H3-3A: variants seen among roughly 807,000 people sequenced by gnomAD.
H3-3A encodes the protein H3.3 histone A, also known as histone H3.3.
For missense variants in H3-3A, 7 were observed against 184.0 expected (o/e 0.04, Z 5.57); for synonymous variants, 49 against 61.4 (o/e 0.80, Z 0.95).
Position 226,071,804 on chromosome 1 carries a change from A to G in H3-3A, c.*325A>G, listed in dbSNP as rs930970044. On this transcript the variant is annotated 3_prime_UTR_variant, in exon 4 of 4. Transcript: ENST00000366815. ...TTAAATTTTTCTGGACAATGCCAGC[A>G]TTTGGATTTTTTTAAAACAAGTAAA... The G allele has an allele frequency of 3.7e-5, 8 of 214,592 alleles. No individual in the cohort carries two copies. The highest frequency in any genetic ancestry group is 1.4e-3 in the Middle Eastern group (1 of 722). The allele number at this position is 214,592 out of a possible 1,614,324, so 13.3% of individuals were successfully genotyped here.
intron 1 of H3-3A, among the ~76,000 whole-genome samples, chr1:226,063,182 G>C (rs892764655): frequency 6.6e-6 from 1 of 150,710 alleles, no homozygotes; most frequent in South Asian, 2.1e-4. Flanking sequence ...CCAGCCCCCA[G>C]TTTTCGAGCG....
chr1:226,063,059 T>TCCC (rs1332901258), intron 1 of H3-3A, among the ~76,000 whole-genome samples: 1 of 151,168 alleles, frequency 6.6e-6, no homozygotes, highest in Non-Finnish European at 1.5e-5. Context: ...TCCCTCCTCC[T>TCCC]CCCCGCGCCC....
rs1657970215 is a variant in H3-3A at position 226,067,584 on chromosome 1, T to C, written c.282+1775T>C. 2.6e-5 allele frequency among the ~76,000 whole-genome samples: 4 copies of C among 151,890 alleles called. 1 individual carries two copies. In the South Asian group the frequency reaches 8.3e-4, roughly 31 times the overall value. The stretch of plus-strand genomic sequence containing the variant: ...TGTGAAACCCCTTCTCTACTAAAAA[T>C]ACAAAAAATTAGCTTGGCGTGGTGG... On this transcript the variant is annotated intron_variant, in intron 3 of 3. Coordinates refer to ENST00000366815, the MANE Select transcript of H3-3A (RefSeq NM_002107.7).
At position 226,069,931 on chromosome 1, in the gene H3-3A, G is replaced by T. The variant is rs955853778; in HGVS notation, c.283-1420G>T. On this transcript the variant is annotated intron_variant, in intron 3 of 3. Transcript: ENST00000366815. Reference sequence around the variant, plus strand: ...TAAGTATACTAAGAATTTGAGTTATGAGTTAATTCTAAGTGGAAACGCCCC... The same window carrying T: ...TAAGTATACTAAGAATTTGAGTTATTAGTTAATTCTAAGTGGAAACGCCCC... 2.0e-5 allele frequency among the ~76,000 whole-genome samples: 3 copies of T among 152,326 alleles called. No homozygotes were observed. In the South Asian group the frequency reaches 6.2e-4, roughly 32 times the overall value.
chr1:226,070,692 G>C (rs1658085088), intron 3 of H3-3A, among the ~76,000 whole-genome samples: 1 of 152,052 alleles, frequency 6.6e-6, no homozygotes, highest in African/African-American at 2.4e-5. Context: ...AGAATCGCTT[G>C]AATCCGGGAG....
At chr1:226,062,459 G>A (rs1487955779), upstream of H3-3A, among the ~76,000 whole-genome samples, 2 of 150,590 alleles carry the variant, frequency 1.3e-5, no homozygotes, top group South Asian at 2.1e-4. Flanking sequence ...AGTCTCGGCG[G>A]GAGCCGGCGG....
At chr1:226,068,808 G>A (rs1296563488) in intron 3 of H3-3A, among the ~76,000 whole-genome samples, 2 of 152,166 alleles carry the variant, frequency 1.3e-5, no homozygotes, top group Non-Finnish European at 2.9e-5. Flanking sequence ...GTCATTGTGA[G>A]TGCCAAGGAA....
intron 1 of H3-3A, among the ~76,000 whole-genome samples, chr1:226,063,516 C>T (rs1321920084): frequency 6.6e-6 from 1 of 152,110 alleles, no homozygotes; most frequent in African/African-American, 2.4e-5. Context: ...GAATCGGATA[C>T]GTTTTGCGAT....
rs1658120403 is a variant in H3-3A at position 226,071,434 on chromosome 1, A to G, written c.366A>G (p.Pro122=). 1.6e-6 allele frequency: 2 copies of G among 1,236,820 alleles called. No homozygotes were observed. The highest frequency in any genetic ancestry group is 2.4e-6 in the Non-Finnish European group (2 of 848,304). 76.6% of individuals were successfully genotyped at this position (1,236,820 alleles called of 1,614,324 possible). ...AIHAKRVTIM[P]KDIQLARRIR... ...ATGCCAAACGTGTAACAATTATGCCAAAAGACATCCAGCTAGCACGCCGCA... is the reference window on the plus strand; with the variant it reads ...ATGCCAAACGTGTAACAATTATGCCGAAAGACATCCAGCTAGCACGCCGCA... The change falls in exon 4 of 4, where the codon CCA becomes CCG. Residue 122 remains proline, a synonymous_variant. Coordinates refer to ENST00000366815, the MANE Select transcript of H3-3A (RefSeq NM_002107.7).
chr1:226,065,019 C>G (rs1657877934), intron 2 of H3-3A, among the ~76,000 whole-genome samples: 1 of 152,100 alleles, frequency 6.6e-6, no homozygotes, highest in African/African-American at 2.4e-5. Flanking sequence ...TTAGCCTCCG[C>G]AAATATTACG....
At chr1:226,066,618 T>G (rs1213008997) in intron 3 of H3-3A, 1 of 152,186 alleles carries the variant, frequency 6.6e-6, no homozygotes, top group East Asian at 1.9e-4. Flanking sequence ...CTATTTTATA[T>G]TGTGTGGTTG....
intron 1 of H3-3A, chr1:226,064,009 T>A (rs1657837362): frequency 5.6e-6 from 1 of 179,404 alleles, no homozygotes; most frequent in Non-Finnish European, 1.2e-5. Context: ...ATGGAATGTT[T>A]ACAGACATTT....
chr1:226,064,942 T>C (rs1348927763), intron 2 of H3-3A, among the ~76,000 whole-genome samples: 1 of 152,228 alleles, frequency 6.6e-6, no homozygotes, highest in Non-Finnish European at 1.5e-5. Context: ...GCTCTTTTGA[T>C]TGTGAACTAC....
At chr1:226,067,025 A>T (rs528678069) in intron 3 of H3-3A, 4 of 152,228 alleles carry the variant, frequency 2.6e-5, no homozygotes, top group African/African-American at 9.6e-5. Flanking sequence ...TTTCTGTTTT[A>T]ATAGCCGATT....
At chr1:226,062,407 G>C (rs1657738642), upstream of H3-3A, among the ~76,000 whole-genome samples, 1 of 151,318 alleles carries the variant, frequency 6.6e-6, no homozygotes, top group Non-Finnish European at 1.5e-5. Flanking sequence ...AGCGGGATGG[G>C]AGTGCAGGGC....
intron 3 of H3-3A, among the ~76,000 whole-genome samples, chr1:226,070,263 C>T (rs1411358734): frequency 2.0e-5 from 3 of 152,028 alleles, no homozygotes; most frequent in East Asian, 1.9e-4. Flanking sequence ...AGGAGGATCA[C>T]GAGGTCAGGA....
intron 3 of H3-3A, among the ~76,000 whole-genome samples, chr1:226,069,562 C>T (rs1558102794): frequency 2.0e-5 from 3 of 152,194 alleles, no homozygotes; most frequent in South Asian, 2.1e-4. Context: ...CCGGGCATGG[C>T]GGCTCACACC....
At chr1:226,064,585 T>C in intron 2 of H3-3A, 106 bp downstream of exon 2, 1 of 784,926 alleles carries the variant, frequency 1.3e-6, no homozygotes, top group Non-Finnish European at 2.0e-6. Context: ...AGAGAAACTT[T>C]TTTTTTTCAT....
intron 1 of H3-3A, chr1:226,063,956 C>T (rs1408564271): frequency 6.4e-6 from 1 of 156,546 alleles, no homozygotes; most frequent in Non-Finnish European, 1.4e-5. Context: ...TTTGACTCGA[C>T]CTTCCAGTGG....
Sources: allele counts gnomAD v4.1 joint callset (sites outside exome capture counted in the v4.1 genomes callset), GRCh38; gene constraint gnomAD v4.1.1; transcripts MANE v1.5; gene names NCBI Gene and HGNC (gene_info 2026-07-23, HGNC 2026-07-21).